Variants in MTMR3 observed in about 807,000 individuals in gnomAD.
The protein encoded by MTMR3 is myotubularin related protein 3.
MTMR3 carries 32 observed loss-of-function variants against 132.4 expected under a neutral mutation model. The ratio of observed to expected loss-of-function variants is 0.24; its 90% confidence interval spans 0.18 to 0.32. The LOEUF (loss-of-function observed/expected upper bound fraction) is 0.32, where lower values mean the gene tolerates loss of function less well. MTMR3 is among the 10% of genes least tolerant of loss of function. The pLI is 1.00. For missense variants in MTMR3, 1,216 were observed against 1,489.6 expected, an observed-to-expected ratio of 0.82 and a Z score of 3.02; for synonymous variants, 556 against 550.3, an observed-to-expected ratio of 1.01 and a Z score of -0.14.
intron 1 of MTMR3, among the ~76,000 whole-genome samples, chr22:29,898,839 G>A (rs1411706406): frequency 6.6e-6 from 1 of 151,510 alleles, no homozygotes; most frequent in African/African-American, 2.4e-5. Context: ...TTGCTGCAAA[G>A]GACATGATTT....
chr22:30,022,983 C>A, intron 19 of MTMR3: 1 of 464,530 alleles, frequency 2.2e-6, no homozygotes, highest in Non-Finnish European at 3.9e-6. Flanking sequence ...ATTTCTTATT[C>A]TCAGCATAAC....
chr22:29,976,673 A>G (rs992303513), intron 3 of MTMR3, among the ~76,000 whole-genome samples: 1 of 152,188 alleles, frequency 6.6e-6, no homozygotes, highest in Non-Finnish European at 1.5e-5. Context: ...ATTAGTATAG[A>G]TGTCAATACA....
At chr22:30,000,149 A>T (rs1023545262) in intron 8 of MTMR3, 1 of 151,868 alleles carries the variant, frequency 6.6e-6, no homozygotes, top group Non-Finnish European at 1.5e-5. Flanking sequence ...ATGATAGTTA[A>T]ATATCTTAAA....
chr22:30,001,316 G>A (rs12484420), intron 8 of MTMR3: 8,983 of 152,294 alleles, frequency 0.059, 491 homozygotes, highest in South Asian at 0.24. Context: ...GCGTGAACCC[G>A]GGAGGTGGAG....
chr22:29,902,507 C>T (rs532268243), intron 1 of MTMR3, among the ~76,000 whole-genome samples: 1 of 150,476 alleles, frequency 6.6e-6, no homozygotes, highest in South Asian at 2.1e-4. Flanking sequence ...CCTGGGACTA[C>T]AGGCGCCCAC....
In MTMR3 at chr22:30,019,634, G is replaced by T. The variant is rs1381295860; in HGVS notation, c.1975G>T (p.Asp659Tyr). ...GAGCAGCCTGGCTGGCCCTGGAGAG[G>T]ATCCCCTTTCTGCCGACAGCCTAGG... ...ELSSLAGPGEDPLSADSLGKP... is the reference protein window; with the variant it reads ...ELSSLAGPGEYPLSADSLGKP... Residue 659 changes from aspartate (D) to tyrosine (Y), a missense_variant, in exon 17 of 20, where the codon GAT (aspartate) becomes TAT (tyrosine). Around this residue, in one of 7 missense-constraint regions of MTMR3, gnomAD observed 852 missense variants for 852.0 expected, o/e 1.00. Transcript: ENST00000401950. 1.9e-6 allele frequency: 3 copies of T among 1,614,074 alleles called. No homozygotes were observed. The highest frequency in any genetic ancestry group is 2.5e-6 in the Non-Finnish European group (3 of 1,180,048).
intron 2 of MTMR3, among the ~76,000 whole-genome samples, chr22:29,970,425 C>T (rs958223505): frequency 1.3e-5 from 2 of 151,536 alleles, no homozygotes; most frequent in South Asian, 2.1e-4. Flanking sequence ...CCCCAACCTT[C>T]CAGGCTCAGT....
chr22:29,949,156 CCCCCG>C (rs2066020866), intron 1 of MTMR3, among the ~76,000 whole-genome samples: 2 of 83,070 alleles, frequency 2.4e-5, no homozygotes, highest in African/African-American at 4.6e-5. Flanking sequence ...CCCCCCCCCC[CCCCCG>C]AGGCCCTGTC....
rs544295242 is a variant in MTMR3 at position 29,939,397 on chromosome 22, A to T, written c.-137-17639A>T. Among the ~76,000 whole-genome samples, 10 of 152,350 alleles carry T rather than the reference A, an allele frequency of 6.6e-5. No homozygotes were observed. In the South Asian group the frequency reaches 2.1e-3, roughly 32 times the overall value. On this transcript the variant is annotated intron_variant, in intron 1 of 19. Coordinates refer to ENST00000401950, the MANE Select transcript of MTMR3 (RefSeq NM_021090.4). ...TTTCAAACATTGAAATCTTGTAGAG[A>T]TAGACTTTTCAAATTAATCCTGAGT... is the stretch of plus-strand genomic sequence containing the variant.
At chr22:29,949,564 A>T (rs1319967184) in intron 1 of MTMR3, among the ~76,000 whole-genome samples, 1 of 144,178 alleles carries the variant, frequency 6.9e-6, no homozygotes, top group African/African-American at 2.6e-5. Context: ...CACACATTCC[A>T]CATTTCTGGC....
In MTMR3 at chr22:30,019,462, C is replaced by A; in HGVS notation, c.1821-18C>A. On this transcript the variant is annotated intron_variant, in intron 16 of 19. Transcript: ENST00000401950. ...CAGTTTCCAAGATTTTCATTTCCCC[C>A]AAATTCCTTTCCTTTAGGCTACCAA... The A allele has an allele frequency of 6.3e-7, 1 of 1,576,130 alleles. No individual in the cohort carries two copies.
intron 14 of MTMR3, chr22:30,014,371 A>G (rs1209633454): frequency 6.6e-6 from 1 of 152,242 alleles, no homozygotes; most frequent in Non-Finnish European, 1.5e-5. Flanking sequence ...CCTTCCTTGA[A>G]ATGCTTTCTT....
At chr22:29,924,937 G>A (rs770348864) in intron 1 of MTMR3, among the ~76,000 whole-genome samples, 1 of 152,054 alleles carries the variant, frequency 6.6e-6, no homozygotes, top group Non-Finnish European at 1.5e-5. Flanking sequence ...AATTAATTTG[G>A]CTGTCCATAC....
intron 1 of MTMR3, among the ~76,000 whole-genome samples, chr22:29,905,112 A>G (rs559628462): frequency 6.6e-5 from 10 of 152,320 alleles, no homozygotes; most frequent in African/African-American, 2.2e-4. Flanking sequence ...ACAGAGAACA[A>G]TACAGAAAGT....
intron 2 of MTMR3, among the ~76,000 whole-genome samples, chr22:29,966,896 T>G (rs1396191939): frequency 6.6e-6 from 1 of 152,126 alleles, no homozygotes; most frequent in Non-Finnish European, 1.5e-5. Context: ...CTAGTGAGTC[T>G]CTTCAAATTG....
intron 14 of MTMR3, 48 bp from the exon 15 acceptor site, chr22:30,016,480 A>T: frequency 6.3e-7 from 1 of 1,588,540 alleles, no homozygotes; most frequent in East Asian, 2.2e-5. Flanking sequence ...GACTTATCAG[A>T]GTGTGCATGC....
chr22:29,892,615 A>C (rs2064822019), intron 1 of MTMR3, among the ~76,000 whole-genome samples: 1 of 152,150 alleles, frequency 6.6e-6, no homozygotes, highest in Non-Finnish European at 1.5e-5. Context: ...CTGCCCCCCA[A>C]CCCCTATAAA....
Position 30,030,456 on chromosome 22 carries a change from T to A in MTMR3, c.*4655T>A, listed in dbSNP as rs1463985364. The stretch of plus-strand genomic sequence containing the variant: ...CCTATTGTAACAGCATTGGTTCTGC[T>A]GTAGCCTCGGTGACCATTTAAGTTG... On this transcript the variant is annotated 3_prime_UTR_variant, in exon 20 of 20. Coordinates refer to ENST00000401950, the MANE Select transcript of MTMR3 (RefSeq NM_021090.4). The A allele has an allele frequency of 6.6e-6, 1 of 152,280 alleles. No individual in the cohort carries two copies. Among genetic ancestry groups the A allele is most frequent in the African/African-American group, 2.4e-5 (1 of 41,430 alleles). The allele number at this position is 152,280 out of a possible 1,614,324, so 9.4% of individuals were successfully genotyped here.
chr22:29,998,422 C>T (rs539679981), intron 7 of MTMR3: 4 of 155,648 alleles, frequency 2.6e-5, no homozygotes, highest in African/African-American at 9.6e-5. Flanking sequence ...GCGGGCAGAT[C>T]ACATGAGGCC....
Sources: allele counts gnomAD v4.1 joint callset (sites outside exome capture counted in the v4.1 genomes callset), GRCh38; gene constraint gnomAD v4.1.1; regional missense constraint gnomAD v4.1.1; transcripts MANE v1.5; gene names NCBI Gene and HGNC (gene_info 2026-07-23, HGNC 2026-07-21).